Variants in NRG3 observed in about 807,000 individuals in gnomAD.
The protein encoded by NRG3 is pro-neuregulin-3, membrane-bound isoform.
NRG3 carries 31 observed loss-of-function variants against 66.9 expected under a neutral mutation model. The observed-to-expected ratio is 0.46, with a 90% CI of 0.35 to 0.63. NRG3 has a LOEUF of 0.63. Among genes scored for constraint, NRG3 ranks in the 20% least tolerant of loss-of-function variants. The probability of loss-of-function intolerance (pLI) is 0.00; values close to 1 mark genes in which losing one functional copy is unlikely to be tolerated. For missense variants in NRG3, 910 were observed against 878.9 expected, an observed-to-expected ratio of 1.04 and a Z score of -0.45; for synonymous variants, 393 against 359.4, an observed-to-expected ratio of 1.09 and a Z score of -1.06.
intron 1 of NRG3, among the ~76,000 whole-genome samples, chr10:82,101,154 A>T (rs1044779300): frequency 6.6e-6 from 1 of 151,808 alleles, no homozygotes; most frequent in African/African-American, 2.4e-5. Context: ...TTTAATGTCC[A>T]TAAGGTCTCA....
chr10:82,051,834 C>T (rs901288472), intron 1 of NRG3, among the ~76,000 whole-genome samples: 1 of 150,070 alleles, frequency 6.7e-6, no homozygotes. Context: ...GCTTCCTTTA[C>T]TTGAGATCTG....
Position 82,985,373 on chromosome 10 carries a change from T to C in NRG3, c.1859T>C (p.Leu620Pro). 2.5e-6 allele frequency: 4 copies of C among 1,614,150 alleles called. No individual in the cohort carries two copies. The highest frequency in any genetic ancestry group is 3.4e-6 in the Non-Finnish European group (4 of 1,180,016). ...GTGAGTATTCCAGTCAGCGATTGTC[T>C]TATAGCAGAACAACAAGAAGTGAAA... Reference protein sequence around the residue: ...VNVSIPVSDCLIAEQQEVKIL... With the variant: ...VNVSIPVSDCPIAEQQEVKIL... Residue 620 changes from leucine to proline, a missense_variant, in exon 9 of 9, where the codon CTT becomes CCT. Transcript: ENST00000372141.
chr10:82,470,085 C>T (rs1841101204), intron 2 of NRG3, among the ~76,000 whole-genome samples: 1 of 152,160 alleles, frequency 6.6e-6, no homozygotes, highest in African/African-American at 2.4e-5. Flanking sequence ...CTCCCTCTGG[C>T]CTCTTTATAA....
At chr10:82,232,471 T>G (rs2076531578) in intron 1 of NRG3, 2 of 343,754 alleles carry the variant, frequency 5.8e-6, no homozygotes, top group African/African-American at 2.1e-5. Context: ...CTGTGTTGCT[T>G]GTGCTTACAG....
chr10:82,458,338 A>C (rs2091362995), intron 2 of NRG3, among the ~76,000 whole-genome samples: 1 of 152,148 alleles, frequency 6.6e-6, no homozygotes. Flanking sequence ...TTATTGCATT[A>C]TCTTTATTAT....
chr10:82,356,549 A>G (rs1469158681), intron 1 of NRG3, among the ~76,000 whole-genome samples: 2 of 152,184 alleles, frequency 1.3e-5, no homozygotes, highest in Admixed American at 6.5e-5. Flanking sequence ...TCTTTTCTGT[A>G]GAGAATCTCC....
chr10:81,933,104 T>A, intron 1 of NRG3, among the ~76,000 whole-genome samples: 1 of 124,738 alleles, frequency 8.0e-6, no homozygotes, highest in African/African-American at 3.2e-5. Context: ...CAACGCTCCA[T>A]CTCAAAAAAA....
At chr10:82,518,590 C>T (rs1003806977) in intron 2 of NRG3, among the ~76,000 whole-genome samples, 1 of 152,092 alleles carries the variant, frequency 6.6e-6, no homozygotes, top group Non-Finnish European at 1.5e-5. Flanking sequence ...TTTGGCCTTA[C>T]ACATGGAAGT....
chr10:82,051,203 C>T (rs12784997), intron 1 of NRG3, among the ~76,000 whole-genome samples: 36,504 of 151,954 alleles, frequency 0.24, 4,508 homozygotes, highest in Middle Eastern at 0.33. Context: ...GATAAAAGGA[C>T]ATTAATTTTT....
chr10:82,906,353 G>A (rs188041494), intron 4 of NRG3, among the ~76,000 whole-genome samples: 32 of 152,250 alleles, frequency 2.1e-4, no homozygotes, highest in Admixed American at 1.8e-3. Context: ...ATACCTTGTG[G>A]CATAAGATCA....
intron 1 of NRG3, among the ~76,000 whole-genome samples, chr10:81,912,959 C>T (rs1234147501): frequency 1.1e-4 from 16 of 152,148 alleles, no homozygotes; most frequent in Admixed American, 1.0e-3. Context: ...GTGTTAAGAG[C>T]CTGGCCACTG....
At chr10:82,234,701 T>A (rs757017017) in intron 1 of NRG3, among the ~76,000 whole-genome samples, 1 of 152,210 alleles carries the variant, frequency 6.6e-6, no homozygotes, top group African/African-American at 2.4e-5. Flanking sequence ...AGGGACAGCA[T>A]CGTAAAAGTT....
chr10:82,886,020 C>T lies in NRG3; in HGVS notation c.1054+20583C>T, dbSNP rs1247546620. On this transcript the variant is annotated intron_variant, in intron 4 of 8. Coordinates refer to ENST00000372141, the MANE Select transcript of NRG3 (RefSeq NM_001010848.4). ...CCGAGTAGCTGGGACTACATGCATG[C>T]GCCACCACCCCCAGCTAATTTTTTT... Among the ~76,000 whole-genome samples the T allele has an allele frequency of 3.3e-5, 5 of 152,066 alleles. No homozygotes were observed. In the East Asian group the frequency reaches 7.7e-4, roughly 23 times the overall value.
intron 2 of NRG3, among the ~76,000 whole-genome samples, chr10:82,738,107 A>G (rs2058246119): frequency 1.3e-5 from 2 of 152,152 alleles, no homozygotes; most frequent in South Asian, 2.1e-4. Context: ...CTAACAGTGA[A>G]CAAGCTAATA....
intron 1 of NRG3, among the ~76,000 whole-genome samples, chr10:82,183,475 G>A (rs1332440658): frequency 6.6e-6 from 1 of 151,836 alleles, no homozygotes; most frequent in Non-Finnish European, 1.5e-5. Flanking sequence ...CATTCTTCAG[G>A]TGCAAACTTT....
At chr10:82,534,071 G>A (rs1847572722) in intron 2 of NRG3, among the ~76,000 whole-genome samples, 1 of 152,056 alleles carries the variant, frequency 6.6e-6, no homozygotes, top group East Asian at 1.9e-4. Context: ...AACTAAGAAG[G>A]TAAATTACTT....
rs182215643 is a variant in NRG3, at chr10:82,594,542, T to A, written c.954-144035T>A. 2.1e-4 allele frequency among the ~76,000 whole-genome samples: 32 copies of A among 152,284 alleles called. 1 individual carries two copies. In the East Asian group the frequency reaches 5.0e-3, roughly 24 times the overall value. ...ATATCTCTATTGTTAATGGTTATTT[T>A]AAAAAAATTTCTCATCCACACTACT... On this transcript the variant is annotated intron_variant, in intron 2 of 8. Transcript: ENST00000372141.
rs189594491 is a variant in NRG3 at position 82,530,934 on chromosome 10, A to G, written c.953+172066A>G. Among the ~76,000 whole-genome samples the G allele has an allele frequency of 3.9e-5, 6 of 152,000 alleles. No homozygotes were observed. The East Asian group carries it at 1.2e-3, about 29-fold the overall frequency. The stretch of plus-strand genomic sequence containing the variant: ...ATATTTTAAAGAATGATAAAAGGCA[A>G]TTTATTTGTTGAATTGCATCTTGTT... On this transcript the variant is annotated intron_variant, in intron 2 of 8. Coordinates refer to ENST00000372141, the MANE Select transcript of NRG3 (RefSeq NM_001010848.4).
chr10:82,036,150 G>A (rs2132945975), intron 1 of NRG3, among the ~76,000 whole-genome samples: 1 of 152,116 alleles, frequency 6.6e-6, no homozygotes, highest in Admixed American at 6.6e-5. Flanking sequence ...CACTCACAAG[G>A]GTTTTTAAGA....
Sources: allele counts gnomAD v4.1 joint callset (sites outside exome capture counted in the v4.1 genomes callset), GRCh38; gene constraint gnomAD v4.1.1; transcripts MANE v1.5; gene names NCBI Gene and HGNC (gene_info 2026-07-23, HGNC 2026-07-21).